The following ABHD12 variants were observed in gnomAD, a reference collection of about 807,000 sequenced individuals.
ABHD12 encodes the protein abhydrolase domain containing 12, lysophospholipase, also known as lysophosphatidylserine lipase ABHD12.
Under a neutral mutation model 58.3 loss-of-function variants are expected in ABHD12, and 43 were observed. The observed-to-expected ratio is 0.74, with a 90% confidence interval of 0.58 to 0.95. The LOEUF is 0.95. Among genes scored for constraint, ABHD12 ranks in the 40% least tolerant of loss-of-function variants. ABHD12 has a pLI of 0.00. For missense variants in ABHD12, 539 were observed against 537.2 expected (o/e 1.00, Z -0.03); for synonymous variants, 219 against 211.2 (o/e 1.04, Z -0.32).
intron 1 of ABHD12, among the ~76,000 whole-genome samples, chr20:25,381,096 G>C (rs2090016560): frequency 6.6e-6 from 1 of 152,034 alleles, no homozygotes; most frequent in Non-Finnish European, 1.5e-5. Context: ...CGGTCTCCCT[G>C]CTTGCCCACC....
intron 5 of ABHD12, 54 bp from the exon 6 acceptor site, chr20:25,315,024 G>A: frequency 6.3e-7 from 1 of 1,594,334 alleles, no homozygotes; most frequent in South Asian, 1.1e-5. Flanking sequence ...TCTGTATTGA[G>A]GGCAGCTTGC....
At chr20:25,384,953 ATG>A (rs945996392) in intron 1 of ABHD12, among the ~76,000 whole-genome samples, 3 of 151,708 alleles carry the variant, frequency 2.0e-5, no homozygotes, top group Non-Finnish European at 4.4e-5. Context: ...AGCACAAAAC[ATG>A]TGTGTGTGTG....
intron 1 of ABHD12, among the ~76,000 whole-genome samples, chr20:25,355,458 TAA>T: frequency 2.2e-5 from 3 of 137,082 alleles, no homozygotes; most frequent in Middle Eastern, 7.2e-3. Flanking sequence ...CATTTCCTGC[TAA>T]AAGAGTAAAA....
At position 25,322,377 on chromosome 20, in the gene ABHD12, ATATATT is replaced by A. The variant is rs1290858801; in HGVS notation, c.422+942_422+947del. ...TCTTGGAAAAGATATATATATATAT[ATATATT>A]TTTTTTTTTTTTTGAGACAAGAGTC... On this transcript the variant is annotated intron_variant, in intron 3 of 12. Coordinates refer to ENST00000339157, the MANE Select transcript of ABHD12 (RefSeq NM_001042472.3). Among the ~76,000 whole-genome samples, 4 of 42,274 alleles carry A rather than the reference ATATATT, an allele frequency of 9.5e-5. 1 individual carries two copies. The highest frequency in any genetic ancestry group is 1.1e-3 in the South Asian group (1 of 918). 27.7% of individuals were successfully genotyped at this position (42,274 alleles called of 152,430 possible). A position where few individuals can be genotyped will look rare whatever the true frequency, so the allele number is the denominator to read the frequency against.
intron 1 of ABHD12, chr20:25,389,809 T>G (rs945605454): frequency 3.9e-5 from 6 of 152,198 alleles, no homozygotes; most frequent in Admixed American, 3.3e-4. Context: ...AGGGCAGGTT[T>G]CCCTCCGACG....
intron 6 of ABHD12, 152 bp downstream of exon 6, chr20:25,314,773 T>A: frequency 3.5e-6 from 3 of 846,142 alleles, no homozygotes; most frequent in Non-Finnish European, 3.9e-6. Context: ...GACAGCTCCA[T>A]CAGGGTCTTT....
At chr20:25,388,278 A>G (rs956497281) in intron 1 of ABHD12, among the ~76,000 whole-genome samples, 35 of 152,240 alleles carry the variant, frequency 2.3e-4, no homozygotes, top group Admixed American at 6.5e-4. Context: ...GGCGCAATGG[A>G]TATCTGTTCT....
chr20:25,302,122 G>C (rs2088646645), intron 12 of ABHD12, 97 bp downstream of exon 12: 1 of 1,567,582 alleles, frequency 6.4e-7, no homozygotes, highest in Admixed American at 1.7e-5. Context: ...CCCCACTGAG[G>C]CCCCCTGAGC....
intron 1 of ABHD12, among the ~76,000 whole-genome samples, chr20:25,346,188 G>T (rs1361787333): frequency 6.6e-6 from 1 of 152,132 alleles, no homozygotes; most frequent in Non-Finnish European, 1.5e-5. Flanking sequence ...ATATTATTTA[G>T]TGAAGCTTAT....
At chr20:25,374,353 C>G (rs1201783132) in intron 1 of ABHD12, among the ~76,000 whole-genome samples, 1 of 152,060 alleles carries the variant, frequency 6.6e-6, no homozygotes, top group Non-Finnish European at 1.5e-5. Flanking sequence ...TTTAATCTGC[C>G]CTTCAATGTA....
At chr20:25,327,795 C>T (rs180777113) in intron 2 of ABHD12, among the ~76,000 whole-genome samples, 1 of 152,278 alleles carries the variant, frequency 6.6e-6, no homozygotes, top group East Asian at 1.9e-4. Context: ...CCCCAAATTG[C>T]TCCTGGTGAT....
intron 1 of ABHD12, among the ~76,000 whole-genome samples, chr20:25,366,286 T>C (rs2089820154): frequency 6.6e-6 from 1 of 152,050 alleles, no homozygotes. Context: ...CTTTTCTTTT[T>C]TTTTTTAAGA....
intron 1 of ABHD12, among the ~76,000 whole-genome samples, chr20:25,354,749 GAAAAAAAAATTACTATTTTAGA>G (rs1001256515): frequency 6.7e-6 from 1 of 150,126 alleles, no homozygotes; most frequent in Admixed American, 6.6e-5. Flanking sequence ...GTTATAATTA[GAAAAAAAAATTACTATTTTAGA>G]AAAAAAAAAT....
chr20:25,311,339 T>C (rs777589928), intron 6 of ABHD12, among the ~76,000 whole-genome samples: 4 of 152,084 alleles, frequency 2.6e-5, no homozygotes, highest in Non-Finnish European at 5.9e-5. Context: ...TGGGACTCAA[T>C]CACAGAAGGG....
chr20:25,323,243 C>G, intron 3 of ABHD12, 82 bp downstream of exon 3: 1 of 850,120 alleles, frequency 1.2e-6, no homozygotes, highest in Non-Finnish European at 2.1e-6. Flanking sequence ...ATTTCAGAGG[C>G]CAATGTCAAA....
chr20:25,309,060 C>G (rs528739613), intron 7 of ABHD12, among the ~76,000 whole-genome samples: 89 of 152,284 alleles, frequency 5.8e-4, no homozygotes, highest in Admixed American at 1.8e-3. Flanking sequence ...AGACGTGGAC[C>G]TCGCATCAGC....
In ABHD12 at chr20:25,302,353, A is replaced by G. The variant is rs754258279; in HGVS notation, c.1030-7T>C. The stretch of plus-strand genomic sequence containing the variant: ...GTGCGGCGATGCTATAGAGCTGGGG[A>G]GAGAGGGGTCAGAGCCTGAGGCAGT... On this transcript the variant is annotated splice_region_variant and splice_polypyrimidine_tract_variant and intron_variant, in intron 11 of 12. Coordinates refer to ENST00000339157, the MANE Select transcript of ABHD12 (RefSeq NM_001042472.3). 2.5e-6 allele frequency: 4 copies of G among 1,612,864 alleles called. No individual in the cohort carries two copies. The highest frequency in any genetic ancestry group is 2.5e-6 in the Non-Finnish European group (3 of 1,179,826).
intron 1 of ABHD12, among the ~76,000 whole-genome samples, chr20:25,375,893 C>A (rs1434251651): frequency 6.6e-6 from 1 of 152,112 alleles, no homozygotes; most frequent in East Asian, 1.9e-4. Context: ...GAGGCCAAGG[C>A]AGGTGGATCA....
At chr20:25,350,101 A>G (rs888385259) in intron 1 of ABHD12, among the ~76,000 whole-genome samples, 12 of 152,240 alleles carry the variant, frequency 7.9e-5, no homozygotes, top group African/African-American at 2.9e-4. Context: ...ATAGGAATAC[A>G]GGACATTCCC....
Sources: gnomAD v4.1 joint callset for allele counts (sites outside exome capture counted in the v4.1 genomes callset) on GRCh38, gnomAD v4.1.1 for gene constraint, MANE v1.5 for transcripts, NCBI Gene and HGNC (gene_info 2026-07-23, HGNC 2026-07-21) for gene names.